ARHGAP20: variants seen among roughly 807,000 people sequenced by gnomAD.
ARHGAP20 encodes the protein Rho GTPase activating protein 20.
Under a neutral mutation model 73.7 loss-of-function variants are expected in ARHGAP20, and 34 were observed. The observed-to-expected ratio is 0.46, with a 90% CI of 0.35 to 0.61. ARHGAP20 has a LOEUF of 0.61. ARHGAP20 is among the 20% of genes least tolerant of loss of function. ARHGAP20 has a pLI of 0.00. For synonymous variants in ARHGAP20, 523 were observed against 518.2 expected, an observed-to-expected ratio of 1.01 and a Z score of -0.13; for missense variants, 1,314 against 1,420.9, an observed-to-expected ratio of 0.92 and a Z score of 1.21.
chr11:110,659,066 T>C (rs1347872388), intron 2 of ARHGAP20, among the ~76,000 whole-genome samples: 1 of 151,060 alleles, frequency 6.6e-6, no homozygotes, highest in Non-Finnish European at 1.5e-5. Flanking sequence ...GTCCTTTGGG[T>C]ATATACCCAG....
intron 4 of ARHGAP20, among the ~76,000 whole-genome samples, chr11:110,622,951 T>C (rs886245777): frequency 6.6e-6 from 1 of 152,168 alleles, no homozygotes; most frequent in African/African-American, 2.4e-5. Context: ...AAAAAGAAGT[T>C]TCATGAAAAT....
chr11:110,585,080 CATGAATATATGTGAATAT>C (rs1191097924), intron 12 of ARHGAP20, among the ~76,000 whole-genome samples: 88 of 148,638 alleles, frequency 5.9e-4, no homozygotes, highest in Middle Eastern at 3.6e-3. Context: ...TATATGAATA[CATGAATATATGTGAATAT>C]ATGAATATAT....
At chr11:110,610,206 A>T (rs917350843) in intron 7 of ARHGAP20, among the ~76,000 whole-genome samples, 3 of 152,146 alleles carry the variant, frequency 2.0e-5, no homozygotes, top group Non-Finnish European at 4.4e-5. Context: ...AATGTAATCA[A>T]ATTTATATTA....
chr11:110,592,295 C>T (rs1328371128), intron 9 of ARHGAP20, 140 bp from the exon 10 acceptor site: 6 of 673,072 alleles, frequency 8.9e-6, no homozygotes, highest in South Asian at 2.9e-5. Context: ...ATTGACAATT[C>T]AACCTATAAA....
intron 8 of ARHGAP20, 56 bp from the exon 9 acceptor site, chr11:110,606,805 T>G: frequency 5.7e-6 from 8 of 1,401,956 alleles, no homozygotes; most frequent in Non-Finnish European, 7.6e-6. Flanking sequence ...TGTTAGCATG[T>G]GTACTGCAAA....
chr11:110,594,300 C>A (rs75347233), intron 9 of ARHGAP20, among the ~76,000 whole-genome samples: 5,030 of 152,278 alleles, frequency 0.033, 285 homozygotes, highest in African/African-American at 0.11. Flanking sequence ...AGCCTCTCTG[C>A]ACTCCCAGTT....
intron 9 of ARHGAP20, among the ~76,000 whole-genome samples, chr11:110,600,207 C>A (rs1437993844): frequency 1.3e-5 from 2 of 152,242 alleles, no homozygotes; most frequent in African/African-American, 4.8e-5. Context: ...GTTCACCACA[C>A]TGTGGGTGAA....
chr11:110,601,048 A>T (rs576781583), intron 9 of ARHGAP20, among the ~76,000 whole-genome samples: 1 of 152,384 alleles, frequency 6.6e-6, no homozygotes, highest in South Asian at 2.1e-4. Flanking sequence ...AAAATAAAAT[A>T]TTGTTCTCAG....
At chr11:110,657,859 C>T (rs1030972535) in intron 2 of ARHGAP20, among the ~76,000 whole-genome samples, 13 of 149,842 alleles carry the variant, frequency 8.7e-5, no homozygotes, top group Non-Finnish European at 1.9e-4. Flanking sequence ...CGTGCCACTG[C>T]ACTCCAGCCT....
intron 2 of ARHGAP20, among the ~76,000 whole-genome samples, chr11:110,672,773 C>T (rs1949854856): frequency 1.3e-5 from 2 of 152,158 alleles, no homozygotes; most frequent in Admixed American, 6.5e-5. Context: ...TCTCATACAT[C>T]GTTGATAGGT....
At chr11:110,619,886 A>G (rs1218266366) in intron 4 of ARHGAP20, among the ~76,000 whole-genome samples, 1 of 152,142 alleles carries the variant, frequency 6.6e-6, no homozygotes, top group Non-Finnish European at 1.5e-5. Context: ...TTGAGATGTG[A>G]CTACCCTGTT....
intron 1 of ARHGAP20, among the ~76,000 whole-genome samples, chr11:110,705,414 C>G (rs1049408548): frequency 6.6e-6 from 1 of 152,156 alleles, no homozygotes; most frequent in Admixed American, 6.6e-5. Flanking sequence ...GAACTAAAAG[C>G]AACAACTGCA....
intron 2 of ARHGAP20, among the ~76,000 whole-genome samples, chr11:110,680,694 A>G (rs761358714): frequency 6.6e-6 from 1 of 152,210 alleles, no homozygotes; most frequent in Non-Finnish European, 1.5e-5. Flanking sequence ...ACCCCATCAA[A>G]GCCCACTAGA....
In ARHGAP20 at chr11:110,580,415, C is replaced by T. The variant is rs779631650; in HGVS notation, c.2531G>A (p.Arg844His). The change falls in exon 15 of 15, where the codon CGC becomes CAC. Residue 844 changes from arginine (R) to histidine (H), a missense_variant. Physicochemically the swap from Arg to His is conservative, Grantham distance 29. Around this residue, in one of 3 missense-constraint regions of ARHGAP20, gnomAD observed 641 missense variants for 636.9 expected, o/e 1.01. Transcript: ENST00000683387. ...GTCTTCTATGTTGGGCTCTGAGCAG[C>T]GCCGATGTGTCCTTGGACCCTTGAG... is the stretch of plus-strand genomic sequence containing the variant. ...DALKGPRTHR[R>H]CSEPNIEDQN... 1.2e-5 allele frequency: 20 copies of T among 1,614,058 alleles called. No homozygotes were observed. In the Admixed American group the frequency reaches 2.0e-4, roughly 16 times the overall value.
intron 8 of ARHGAP20, 138 bp downstream of exon 8, chr11:110,608,836 ATCTTTGATAG>A: frequency 1.6e-6 from 1 of 616,456 alleles, no homozygotes; most frequent in Non-Finnish European, 2.8e-6. Flanking sequence ...CACATAGTAA[ATCTTTGATAG>A]ATCTTTATTA....
chr11:110,695,054 A>C (rs533994768), intron 1 of ARHGAP20, among the ~76,000 whole-genome samples: 3 of 151,788 alleles, frequency 2.0e-5, no homozygotes, highest in Non-Finnish European at 4.4e-5. Context: ...GTTGACACTT[A>C]TCACTTTGAG....
chr11:110,624,531 G>T (rs535656368), intron 3 of ARHGAP20, among the ~76,000 whole-genome samples: 13 of 152,064 alleles, frequency 8.5e-5, no homozygotes, highest in African/African-American at 2.9e-4. Flanking sequence ...GGGGATAAGG[G>T]GAGGGAACTT....
intron 3 of ARHGAP20, among the ~76,000 whole-genome samples, chr11:110,627,638 T>A (rs1291612502): frequency 6.6e-6 from 1 of 152,204 alleles, no homozygotes; most frequent in Non-Finnish European, 1.5e-5. Context: ...ATTTATTTCA[T>A]CTTCTTCACC....
At chr11:110,680,748 A>C (rs966132932) in intron 2 of ARHGAP20, among the ~76,000 whole-genome samples, 12 of 152,224 alleles carry the variant, frequency 7.9e-5, no homozygotes, top group African/African-American at 2.2e-4. Context: ...TTCCTCCCAG[A>C]ATCATACCAC....
Sources: gnomAD v4.1 joint callset for allele counts (sites outside exome capture counted in the v4.1 genomes callset) on GRCh38, gnomAD v4.1.1 for gene constraint, gnomAD v4.1.1 regional missense constraint, MANE v1.5 for transcripts, NCBI Gene and HGNC (gene_info 2026-07-23, HGNC 2026-07-21) for gene names.